Variants in PEX7 observed in about 807,000 individuals in gnomAD.
PEX7 encodes the protein peroxisomal biogenesis factor 7, also known as PTS2 receptor.
In PEX7, 34 loss-of-function variants were observed where a neutral mutation model predicts 47.5. The ratio of observed to expected loss-of-function variants is 0.72; its 90% CI spans 0.54 to 0.95. The LOEUF is 0.95. Ranked by LOEUF, PEX7 falls within the 40% of genes least tolerant of loss-of-function variation. The pLI is 0.00. For missense variants in PEX7, 394 were observed against 400.3 expected, an observed-to-expected ratio of 0.98 and a Z score of 0.13; for synonymous variants, 141 against 148.8, an observed-to-expected ratio of 0.95 and a Z score of 0.38.
chr6:136,864,315 TAA>T (rs3041780), intron 5 of PEX7, among the ~76,000 whole-genome samples: 61,759 of 150,992 alleles, frequency 0.41, 13,316 homozygotes, highest in South Asian at 0.52. Context: ...TTTTTTCTCA[TAA>T]AAAAAAAACA....
intron 6 of PEX7, among the ~76,000 whole-genome samples, chr6:136,868,723 G>C (rs937593824): frequency 1.3e-5 from 2 of 148,822 alleles, no homozygotes; most frequent in Non-Finnish European, 3.0e-5. Context: ...ACTTTCAATG[G>C]CAAAAACTGC....
chr6:136,846,992 C>T (rs1355421248), intron 5 of PEX7, among the ~76,000 whole-genome samples: 3 of 152,224 alleles, frequency 2.0e-5, no homozygotes, highest in African/African-American at 4.8e-5. Flanking sequence ...TCCACATCCT[C>T]TCCAGCACCT....
rs897447796 is a variant in PEX7 at position 136,885,857 on chromosome 6, G to C, written c.804-12285G>C. On this transcript the variant is annotated intron_variant, in intron 8 of 9. Transcript: ENST00000318471. ...TTTGGAGCCAGACTGCCTTCTACTA[G>C]CTGTATAAACTTGAGCAAGTTATTT... Among the ~76,000 whole-genome samples the C allele has an allele frequency of 2.0e-5, 3 of 152,188 alleles. No homozygotes were observed. The East Asian group carries it at 5.8e-4, about 29-fold the overall frequency.
chr6:136,891,132 C>A (rs923670542), intron 8 of PEX7, among the ~76,000 whole-genome samples: 2 of 152,200 alleles, frequency 1.3e-5, no homozygotes, highest in Admixed American at 6.5e-5. Context: ...TCCAGCATCC[C>A]TGTGGATCTC....
intron 3 of PEX7, among the ~76,000 whole-genome samples, chr6:136,827,047 ACATC>A (rs996300536): frequency 1.3e-5 from 2 of 152,214 alleles, no homozygotes; most frequent in African/African-American, 4.8e-5. Flanking sequence ...GAACATAAAG[ACATC>A]CTCTTTTTGT....
chr6:136,873,765 A>T (rs1303953320), intron 8 of PEX7, among the ~76,000 whole-genome samples: 1 of 152,148 alleles, frequency 6.6e-6, no homozygotes, highest in Non-Finnish European at 1.5e-5. Flanking sequence ...CAAATTATAT[A>T]TGTTTACTTG....
intron 5 of PEX7, chr6:136,855,800 A>T (rs1037971803): frequency 9.5e-6 from 3 of 317,424 alleles, no homozygotes; most frequent in Non-Finnish European, 1.8e-5. Flanking sequence ...CAGTAAAGAC[A>T]TACATCCAGT....
chr6:136,827,658 G>A (rs1296742862), intron 3 of PEX7, among the ~76,000 whole-genome samples: 1 of 151,852 alleles, frequency 6.6e-6, no homozygotes, highest in Non-Finnish European at 1.5e-5. Flanking sequence ...TTAGCCACCC[G>A]AGTAGCTGGG....
chr6:136,902,128 G>A (rs1401468644), intron 9 of PEX7, among the ~76,000 whole-genome samples: 1 of 152,194 alleles, frequency 6.6e-6, no homozygotes, highest in East Asian at 1.9e-4. Flanking sequence ...GTCTCATAAT[G>A]TGTCAGATTT....
intron 3 of PEX7, among the ~76,000 whole-genome samples, chr6:136,831,223 G>A (rs1026675145): frequency 5.3e-5 from 8 of 152,092 alleles, no homozygotes; most frequent in African/African-American, 1.9e-4. Flanking sequence ...TGAAGGGGAA[G>A]TAGATAACCT....
intron 8 of PEX7, among the ~76,000 whole-genome samples, chr6:136,879,209 A>G (rs1303619991): frequency 6.6e-6 from 1 of 152,128 alleles, no homozygotes; most frequent in Non-Finnish European, 1.5e-5. Context: ...GTATAATTAA[A>G]TATATTAAGT....
intron 5 of PEX7, among the ~76,000 whole-genome samples, chr6:136,849,823 T>C (rs974466747): frequency 6.6e-6 from 1 of 152,220 alleles, no homozygotes; most frequent in African/African-American, 2.4e-5. Flanking sequence ...GAAGAATGTA[T>C]ATTCAGTTGA....
At chr6:136,834,192 T>A (rs1382970465) in intron 3 of PEX7, among the ~76,000 whole-genome samples, 2 of 152,104 alleles carry the variant, frequency 1.3e-5, no homozygotes, top group Non-Finnish European at 2.9e-5. Flanking sequence ...AGGGACATTT[T>A]TTGTTTTGTT....
chr6:136,839,966 C>T (rs901513856), intron 3 of PEX7, among the ~76,000 whole-genome samples: 1 of 151,908 alleles, frequency 6.6e-6, no homozygotes, highest in Non-Finnish European at 1.5e-5. Flanking sequence ...GGGGAAGGGG[C>T]AGGGAGGGCA....
chr6:136,857,120 G>T (rs1774874869), intron 5 of PEX7, among the ~76,000 whole-genome samples: 1 of 152,166 alleles, frequency 6.6e-6, no homozygotes, highest in African/African-American at 2.4e-5. Context: ...AATGCAAGTT[G>T]CAAAACTCTC....
chr6:136,831,223 G>T (rs1026675145), intron 3 of PEX7, among the ~76,000 whole-genome samples: 60 of 152,210 alleles, frequency 3.9e-4, no homozygotes, highest in African/African-American at 1.4e-3. Context: ...TGAAGGGGAA[G>T]TAGATAACCT....
In PEX7 at chr6:136,845,688, A is replaced by G. The variant is rs762113236; in HGVS notation, c.413A>G (p.Lys138Arg). 8.8e-6 allele frequency: 14 copies of G among 1,593,426 alleles called. 1 individual carries two copies. In the Admixed American group the frequency reaches 1.2e-4, roughly 13 times the overall value. The change falls in exon 4 of 10, where the codon AAA becomes AGA. Residue 138 changes from lysine to arginine, a missense_variant. Lys to Arg is a conservative substitution (Grantham distance 26). Coordinates refer to ENST00000318471, the MANE Select transcript of PEX7 (RefSeq NM_000288.4). ...VVSGSWDQTV[K>R]LWDPTVGKSL... ...TCTGGCTCATGGGATCAAACTGTCAAATTGGTATGTTAGCATTATTGTATT... is the reference window on the plus strand; with the variant it reads ...TCTGGCTCATGGGATCAAACTGTCAGATTGGTATGTTAGCATTATTGTATT...
chr6:136,841,837 C>T (rs1284185894), intron 3 of PEX7, among the ~76,000 whole-genome samples: 12 of 151,292 alleles, frequency 7.9e-5, no homozygotes, highest in African/African-American at 2.2e-4. Flanking sequence ...CCTCCTGCCT[C>T]GGCCTCCCAA....
chr6:136,858,892 T>A (rs1774909008), intron 5 of PEX7, among the ~76,000 whole-genome samples: 1 of 152,232 alleles, frequency 6.6e-6, no homozygotes, highest in African/African-American at 2.4e-5. Context: ...CGAGTGTTTA[T>A]TATAAAACAT....
Sources: gnomAD v4.1 joint callset for allele counts (sites outside exome capture counted in the v4.1 genomes callset) on GRCh38, gnomAD v4.1.1 for gene constraint, MANE v1.5 for transcripts, NCBI Gene and HGNC (gene_info 2026-07-23, HGNC 2026-07-21) for gene names.